SUPT3H: variants seen among roughly 807,000 people sequenced by gnomAD.
The protein encoded by SUPT3H is SPT3 homolog, SAGA and STAGA complex component, also known as transcription initiation protein SPT3 homolog.
SUPT3H carries 44 observed loss-of-function variants against 44.3 expected under a neutral mutation model. The observed-to-expected ratio is 0.99, with a 90% CI of 0.78 to 1.28. The LOEUF (loss-of-function observed/expected upper bound fraction) is 1.28, where lower values mean the gene tolerates loss of function less well. SUPT3H is among the 50% of genes most tolerant of loss of function. The pLI, the probability that SUPT3H is intolerant of heterozygous loss-of-function variation, is 0.00. For synonymous variants in SUPT3H, 124 were observed against 125.6 expected (o/e 0.99, Z 0.09); for missense variants, 380 against 387.1 (o/e 0.98, Z 0.15).
At chr6:45,172,649 T>A (rs1811018230) in intron 2 of SUPT3H, among the ~76,000 whole-genome samples, 1 of 151,560 alleles carries the variant, frequency 6.6e-6, no homozygotes, top group South Asian at 2.1e-4. Flanking sequence ...TGGAGTGCAG[T>A]GGCTTGATCT....
At chr6:45,080,787 A>C (rs1795687245) in intron 3 of SUPT3H, among the ~76,000 whole-genome samples, 1 of 152,064 alleles carries the variant, frequency 6.6e-6, no homozygotes, top group Admixed American at 6.6e-5. Context: ...AAGGGAAATG[A>C]AGAAGTGGAG....
intron 6 of SUPT3H, among the ~76,000 whole-genome samples, chr6:44,972,210 T>C (rs1777678851): frequency 6.6e-6 from 1 of 152,234 alleles, no homozygotes; most frequent in African/African-American, 2.4e-5. Context: ...CTAGATACAA[T>C]GGTGGTACAG....
chr6:44,859,653 C>T (rs1463645603), intron 10 of SUPT3H, among the ~76,000 whole-genome samples: 3 of 152,138 alleles, frequency 2.0e-5, no homozygotes, highest in Non-Finnish European at 4.4e-5. Context: ...TCCTAGGGTC[C>T]TGTCCGAAAT....
At chr6:45,018,575 A>G (rs1784651385) in intron 4 of SUPT3H, among the ~76,000 whole-genome samples, 1 of 152,092 alleles carries the variant, frequency 6.6e-6, no homozygotes, top group Admixed American at 6.6e-5. Context: ...GAATTTTGTC[A>G]AAGGCCTTTT....
At chr6:45,117,476 A>G (rs1801010525) in intron 2 of SUPT3H, among the ~76,000 whole-genome samples, 1 of 152,126 alleles carries the variant, frequency 6.6e-6, no homozygotes, top group Non-Finnish European at 1.5e-5. Context: ...ATTTTTCTTG[A>G]GATTGATGTC....
At chr6:45,068,496 G>C (rs939628720) in intron 3 of SUPT3H, among the ~76,000 whole-genome samples, 1 of 152,018 alleles carries the variant, frequency 6.6e-6, no homozygotes, top group Non-Finnish European at 1.5e-5. Context: ...GGGATGGGTA[G>C]AGATAAGGAT....
chr6:45,104,179 T>C (rs959353138), intron 3 of SUPT3H, among the ~76,000 whole-genome samples: 1 of 152,060 alleles, frequency 6.6e-6, no homozygotes, highest in Non-Finnish European at 1.5e-5. Context: ...AAATACAAAA[T>C]AGGCCATATG....
chr6:44,900,384 C>G (rs974197129), intron 10 of SUPT3H, among the ~76,000 whole-genome samples: 23 of 152,240 alleles, frequency 1.5e-4, no homozygotes, highest in Non-Finnish European at 4.4e-5. Flanking sequence ...TATTCTGCGC[C>G]TGGCTCGGAG....
intron 3 of SUPT3H, among the ~76,000 whole-genome samples, chr6:45,078,136 G>A (rs1261462519): frequency 1.3e-5 from 2 of 152,178 alleles, no homozygotes; most frequent in Non-Finnish European, 2.9e-5. Context: ...GCCTCCCAAA[G>A]TGCTGGGATT....
At chr6:45,295,936 A>C (rs913344668) in intron 2 of SUPT3H, among the ~76,000 whole-genome samples, 3 of 152,152 alleles carry the variant, frequency 2.0e-5, no homozygotes, top group African/African-American at 7.2e-5. Context: ...TTAAAGAACT[A>C]AAAGTAGAAC....
chr6:44,912,541 G>A (rs1192094489), intron 10 of SUPT3H, among the ~76,000 whole-genome samples: 1 of 152,184 alleles, frequency 6.6e-6, no homozygotes, highest in Non-Finnish European at 1.5e-5. Context: ...CCTGAACAAT[G>A]TTTGTGATAG....
chr6:45,003,087 TAAGGTAA>T (rs1782217842), intron 6 of SUPT3H, among the ~76,000 whole-genome samples: 1 of 152,136 alleles, frequency 6.6e-6, no homozygotes, highest in Non-Finnish European at 1.5e-5. Context: ...TATAGATAGC[TAAGGTAA>T]AAAGAAGACA....
chr6:45,350,440 C>T (rs1791778076), intron 2 of SUPT3H, among the ~76,000 whole-genome samples: 1 of 152,164 alleles, frequency 6.6e-6, no homozygotes, highest in South Asian at 2.1e-4. Context: ...CATTTAATTT[C>T]TCCTTTTATC....
chr6:44,947,295 A>G (rs1562108422), intron 9 of SUPT3H, among the ~76,000 whole-genome samples: 1 of 152,234 alleles, frequency 6.6e-6, no homozygotes, highest in African/African-American at 2.4e-5. Flanking sequence ...CTGCAGAAAC[A>G]TACAAATATA....
chr6:45,233,496 A>G (rs1249500498), intron 2 of SUPT3H, among the ~76,000 whole-genome samples: 1 of 152,188 alleles, frequency 6.6e-6, no homozygotes, highest in Non-Finnish European at 1.5e-5. Flanking sequence ...AAGGTAGAGA[A>G]GCTCTCTCTG....
chr6:45,150,570 A>T (rs1806765142), intron 2 of SUPT3H, among the ~76,000 whole-genome samples: 1 of 152,138 alleles, frequency 6.6e-6, no homozygotes, highest in South Asian at 2.1e-4. Flanking sequence ...TCAGCATGGG[A>T]CACCATGCCT....
At chr6:45,216,025 C>T (rs535102683) in intron 2 of SUPT3H, among the ~76,000 whole-genome samples, 16 of 152,072 alleles carry the variant, frequency 1.1e-4, no homozygotes, top group African/African-American at 2.9e-4. Flanking sequence ...ACATTGAAAG[C>T]GATGAAAAGT....
Position 45,194,775 on chromosome 6 carries a change from A to AT in SUPT3H, c.102-88770dup, listed in dbSNP as rs542507050. On this transcript the variant is annotated intron_variant, in intron 2 of 10. Transcript: ENST00000371459. ...AAAATTAAACTGAACCTGCTGTGAT[A>AT]TTTTTCTTACAGTCATTTAAATCAA... is the stretch of plus-strand genomic sequence containing the variant. Among the ~76,000 whole-genome samples the AT allele has an allele frequency of 6.4e-4, 98 of 152,246 alleles. 1 individual carries two copies. Among genetic ancestry groups the AT allele is most frequent in the South Asian group, 5.2e-3 (25 of 4,820 alleles).
chr6:45,251,011 A>T (rs4330533), intron 2 of SUPT3H: 150,297 of 152,180 alleles, frequency 0.99, 74,258 homozygotes, highest in East Asian at 1. Context: ...GTTCTCGCTA[A>T]GTTGCTCAGG....
Sources: allele counts gnomAD v4.1 joint callset (sites outside exome capture counted in the v4.1 genomes callset), GRCh38; gene constraint gnomAD v4.1.1; transcripts MANE v1.5; gene names NCBI Gene and HGNC (gene_info 2026-07-23, HGNC 2026-07-21).